GOLGA1: variants seen among roughly 807,000 people sequenced by gnomAD.
GOLGA1 encodes the protein golgin subfamily A member 1.
A neutral mutation model predicts 119.7 loss-of-function variants in GOLGA1; 63 were observed. The ratio of observed to expected loss-of-function variants is 0.53; its 90% CI spans 0.43 to 0.65. GOLGA1 has a LOEUF of 0.65. Ranked by LOEUF, GOLGA1 falls within the 30% of genes least tolerant of loss-of-function variation. The pLI is 0.00. For synonymous variants in GOLGA1, 318 were observed against 333.4 expected (o/e 0.95, Z 0.50); for missense variants, 798 against 912.8 (o/e 0.87, Z 1.62).
At chr9:124,898,165 G>C (rs1830019012) in intron 15 of GOLGA1, among the ~76,000 whole-genome samples, 2 of 152,142 alleles carry the variant, frequency 1.3e-5, no homozygotes. Flanking sequence ...CTTGCTTTAA[G>C]GTCTCCCTGG....
intron 16 of GOLGA1, 47 bp downstream of exon 16, chr9:124,890,342 G>A (rs622280): frequency 0.4 from 502,264 of 1,269,868 alleles, 102,765 homozygotes; most frequent in Non-Finnish European, 0.43. Flanking sequence ...CCTGCTGCCT[G>A]TGGGACTGCA....
intron 3 of GOLGA1, among the ~76,000 whole-genome samples, chr9:124,937,500 G>A (rs1830898320): frequency 1.3e-5 from 2 of 151,884 alleles, no homozygotes; most frequent in African/African-American, 4.8e-5. Flanking sequence ...GTGTGGTCGT[G>A]GGCACCTGCA....
chr9:124,889,403 G>GAGAA (rs748497066), intron 17 of GOLGA1, 31 bp downstream of exon 17: 4 of 1,591,364 alleles, frequency 2.5e-6, no homozygotes, highest in African/African-American at 2.7e-5. Flanking sequence ...CTGAAAAGGA[G>GAGAA]AGAAGGCTCA....
chr9:124,882,840 T>C (rs1234503158), intron 19 of GOLGA1, among the ~76,000 whole-genome samples: 1 of 152,140 alleles, frequency 6.6e-6, no homozygotes, highest in African/African-American at 2.4e-5. Context: ...GCCCCAGCGC[T>C]GCCTATCCCT....
intron 8 of GOLGA1, among the ~76,000 whole-genome samples, chr9:124,922,618 G>A (rs1327058627): frequency 6.6e-6 from 1 of 151,572 alleles, no homozygotes; most frequent in Non-Finnish European, 1.5e-5. Context: ...CAGGCATGGT[G>A]GCACACACCT....
chr9:124,885,172 CA>C (rs1489021224), intron 19 of GOLGA1, among the ~76,000 whole-genome samples: 1 of 152,088 alleles, frequency 6.6e-6, no homozygotes, highest in Non-Finnish European at 1.5e-5. Context: ...ACTAAAAATA[CA>C]AAAATTAGCT....
At chr9:124,944,109 T>C (rs1184806599), upstream of GOLGA1, 1 of 152,204 alleles carries the variant, frequency 6.6e-6, no homozygotes, top group Admixed American at 6.5e-5. Context: ...CAGCAAGGTT[T>C]ATTAAAAATA....
rs1335903143 is a variant in GOLGA1 at position 124,926,032 on chromosome 9, A to G, written c.432+677T>C. Among the ~76,000 whole-genome samples, 4 of 152,128 alleles carry G rather than the reference A, an allele frequency of 2.6e-5. No homozygotes were observed. In the East Asian group the frequency reaches 7.7e-4, roughly 29 times the overall value. ...AAATGCCTTCCTTCCCCACTGCTTCATCTTTAAGTGTTCCTAATATTACCA... is the reference window on the plus strand; with the variant it reads ...AAATGCCTTCCTTCCCCACTGCTTCGTCTTTAAGTGTTCCTAATATTACCA... On this transcript the variant is annotated intron_variant, in intron 7 of 22. Transcript: ENST00000373555.
At chr9:124,935,368 T>C (rs1458694168) in intron 3 of GOLGA1, among the ~76,000 whole-genome samples, 1 of 152,250 alleles carries the variant, frequency 6.6e-6, no homozygotes, top group Non-Finnish European at 1.5e-5. Context: ...TAAGTATTTA[T>C]GTGTAAATTT....
At chr9:124,921,668 T>C (rs747628558) in intron 9 of GOLGA1, 55 bp downstream of exon 9, 2 of 1,359,868 alleles carry the variant, frequency 1.5e-6, no homozygotes, top group Non-Finnish European at 2.1e-6. Context: ...GGGCAGGCTA[T>C]AGCCAGAACT....
intron 15 of GOLGA1, among the ~76,000 whole-genome samples, chr9:124,893,940 T>C (rs1396969495): frequency 2.0e-5 from 3 of 152,192 alleles, no homozygotes; most frequent in Non-Finnish European, 4.4e-5. Flanking sequence ...CTGAATTACC[T>C]AGTTTGCCTT....
intron 12 of GOLGA1, among the ~76,000 whole-genome samples, chr9:124,903,804 A>G (rs543398440): frequency 5.4e-4 from 83 of 152,302 alleles, no homozygotes; most frequent in Non-Finnish European, 9.3e-4. Context: ...TAATCCCAGC[A>G]CTTTGGGAGG....
chr9:124,882,711 C>A, intron 19 of GOLGA1, 142 bp from the exon 20 acceptor site: 1 of 674,602 alleles, frequency 1.5e-6, no homozygotes, highest in South Asian at 1.7e-5. Context: ...GGCTGGTGCT[C>A]AGCTGTCGCA....
chr9:124,903,927 T>G (rs1409405432), intron 12 of GOLGA1, among the ~76,000 whole-genome samples: 1 of 151,634 alleles, frequency 6.6e-6, no homozygotes, highest in African/African-American at 2.4e-5. Flanking sequence ...AGCGTGCCTG[T>G]AGGCGCGCGC....
intron 15 of GOLGA1, among the ~76,000 whole-genome samples, chr9:124,897,091 T>C (rs1444580897): frequency 1.3e-5 from 2 of 152,184 alleles, no homozygotes; most frequent in African/African-American, 4.8e-5. Context: ...AGAGCCTTTG[T>C]ATTTGTTATT....
At chr9:124,935,251 G>T (rs974046313) in intron 3 of GOLGA1, among the ~76,000 whole-genome samples, 2 of 152,080 alleles carry the variant, frequency 1.3e-5, no homozygotes, top group Non-Finnish European at 2.9e-5. Flanking sequence ...TTTGGGGATG[G>T]GACCCAAGTG....
chr9:124,931,354 CT>C lies in GOLGA1; in HGVS notation c.187del (p.Arg63GlyfsTer8). 6.3e-7 allele frequency: 1 copy of C among 1,597,662 alleles called. No individual in the cohort carries two copies. The highest frequency in any genetic ancestry group is 8.6e-7 in the Non-Finnish European group (1 of 1,165,180). On this transcript the variant is annotated frameshift_variant, in exon 4 of 23. Transcript: ENST00000373555. LOFTEE classifies it high-confidence loss of function. ...CTCTAACTTCCGTATCTGTTCATTC[CT>C]TCTCAGAAGCTGGGATGAAAGATCT... ...REDLSSQLLRRNEQIRKLEAR... is the reference protein window; with the variant it reads ...REDLSSQLLRXNEQIRKLEAR...
intron 3 of GOLGA1, among the ~76,000 whole-genome samples, chr9:124,932,952 A>G (rs1055957020): frequency 4.6e-5 from 7 of 152,004 alleles, no homozygotes; most frequent in African/African-American, 1.7e-4. Context: ...TCACCTCCTC[A>G]TTCCATCACT....
Position 124,881,243 on chromosome 9 carries a change from T to C in GOLGA1, c.2151A>G (p.Ile717Met), listed in dbSNP as rs1427803861. ...SCRESEAFHL[I>M]KAVSVLLNFS... ...AGTTCAGCAACACTGACACAGCTTT[T>C]ATAAGATGAAAAGCCTGAAACACAG... Residue 717 changes from isoleucine to methionine, a missense_variant, in exon 22 of 23, where the codon ATA (isoleucine) becomes ATG (methionine). Ile to Met is a conservative substitution (Grantham distance 10). Transcript: ENST00000373555. The surrounding 1 kb of genome is among the most constrained non-coding windows in gnomAD (Gnocchi z 4.9). 6.2e-7 allele frequency: 1 copy of C among 1,601,628 alleles called. No homozygotes were observed. Among genetic ancestry groups the C allele is most frequent in the East Asian group, 2.2e-5 (1 of 44,814 alleles).
Sources: allele counts gnomAD v4.1 joint callset (sites outside exome capture counted in the v4.1 genomes callset), GRCh38; gene constraint gnomAD v4.1.1; non-coding constraint Gnocchi (gnomAD v3.1); transcripts MANE v1.5; gene names NCBI Gene and HGNC (gene_info 2026-07-23, HGNC 2026-07-21).